The following SMOC2 variants were observed in gnomAD, a reference collection of about 807,000 sequenced individuals.
The protein encoded by SMOC2 is SPARC related modular calcium binding 2, also known as SPARC-related modular calcium-binding protein 2.
In SMOC2, 39 loss-of-function variants were observed where a neutral mutation model predicts 61.4. That is an observed-to-expected ratio of 0.64 (90% CI 0.49 to 0.83). The LOEUF is 0.83. SMOC2 is among the 40% of genes least tolerant of loss of function. SMOC2 has a pLI of 0.00. For missense variants in SMOC2, 556 were observed against 592.9 expected (o/e 0.94, Z 0.65); for synonymous variants, 247 against 239.9 (o/e 1.03, Z -0.27).
intron 1 of SMOC2, among the ~76,000 whole-genome samples, chr6:168,451,869 T>C (rs998498089): frequency 6.6e-6 from 1 of 152,242 alleles, no homozygotes; most frequent in Non-Finnish European, 1.5e-5. Flanking sequence ...ATAACTTCTT[T>C]TTTTGTACTC....
At chr6:168,491,161 G>T (rs1002267316) in intron 1 of SMOC2, among the ~76,000 whole-genome samples, 2 of 152,188 alleles carry the variant, frequency 1.3e-5, no homozygotes, top group African/African-American at 2.4e-5. Flanking sequence ...TGCTGCTCAC[G>T]CCAGCCTTGC....
chr6:168,644,703 G>T lies in SMOC2; in HGVS notation c.908-5978G>T, dbSNP rs1251832031. On this transcript the variant is annotated intron_variant, in intron 9 of 12. Transcript: ENST00000356284. ...CTCGCTCTGTCTCCCAGGCTGGAGT[G>T]CAGTGGTACGATCGCAGCTCACTGC... 4.0e-4 allele frequency among the ~76,000 whole-genome samples: 55 copies of T among 138,196 alleles called. 1 individual carries two copies. The highest frequency in any genetic ancestry group is 3.0e-5 in the Non-Finnish European group (2 of 66,218). 90.7% of individuals were successfully genotyped at this position (138,196 alleles called of 152,430 possible).
intron 4 of SMOC2, among the ~76,000 whole-genome samples, chr6:168,530,436 A>G (rs1476329920): frequency 6.6e-6 from 1 of 152,180 alleles, no homozygotes; most frequent in Admixed American, 6.5e-5. Context: ...TAATGAGACA[A>G]TCCAGCAGAA....
intron 1 of SMOC2, among the ~76,000 whole-genome samples, chr6:168,471,192 C>T (rs1298072540): frequency 4.6e-5 from 7 of 152,146 alleles, no homozygotes; most frequent in African/African-American, 1.7e-4. Context: ...TTTCAACTGG[C>T]AAAACCGAAA....
chr6:168,506,973 T>C (rs546594345), intron 1 of SMOC2, among the ~76,000 whole-genome samples: 4 of 152,332 alleles, frequency 2.6e-5, no homozygotes, highest in Admixed American at 6.5e-5. Context: ...GAAATTTAAT[T>C]GCTATTAAAC....
Position 168,535,018 on chromosome 6 carries a change from TG to T in SMOC2, c.463+7293del, listed in dbSNP as rs201495786. On this transcript the variant is annotated intron_variant, in intron 4 of 12. Transcript: ENST00000356284. This position sits in a 1 kb window ranked among gnomAD's most constrained non-coding sequence, Gnocchi z 4.6. ...TGGAGTCTGGCTCTGTCGCCCAGGC[TG>T]GAGTGCAGTGGCACAATCTCGGCTC... 6.5e-3 allele frequency among the ~76,000 whole-genome samples: 993 copies of T among 152,322 alleles called. 55 individuals carry two copies. The highest frequency in any genetic ancestry group is 0.058 in the Admixed American group (881 of 15,302).
chr6:168,510,183 A>C (rs2115052206), intron 2 of SMOC2, 97 bp downstream of exon 2: 2 of 1,294,074 alleles, frequency 1.5e-6, no homozygotes, highest in South Asian at 3.0e-5. Flanking sequence ...TTACATTTAC[A>C]AACTCGGGTT....
chr6:168,526,558 C>T (rs944858124), intron 3 of SMOC2, 106 bp downstream of exon 3: 27 of 847,222 alleles, frequency 3.2e-5, no homozygotes, highest in South Asian at 1.5e-4. Context: ...GAAGAAGCAG[C>T]GGGTTTGTTC....
At chr6:168,601,479 C>A (rs1785553861) in intron 8 of SMOC2, among the ~76,000 whole-genome samples, 1 of 152,202 alleles carries the variant, frequency 6.6e-6, no homozygotes. Flanking sequence ...TAAAGCTTTT[C>A]AAGGTTTTGG....
At chr6:168,506,419 G>T (rs1270539314) in intron 1 of SMOC2, among the ~76,000 whole-genome samples, 2 of 152,186 alleles carry the variant, frequency 1.3e-5, no homozygotes, top group African/African-American at 4.8e-5. Context: ...ATCTCATATA[G>T]TCAGAGACGT....
rs1022883704 is a variant in SMOC2, at chr6:168,552,860, C to T, written c.637+3657C>T. 2.0e-5 allele frequency among the ~76,000 whole-genome samples: 3 copies of T among 146,874 alleles called. 1 individual carries two copies. Among genetic ancestry groups the T allele is most frequent in the South Asian group, 4.5e-4 (2 of 4,490 alleles). On this transcript the variant is annotated intron_variant, in intron 7 of 12. Transcript: ENST00000356284. The stretch of plus-strand genomic sequence containing the variant: ...ACCAGCCTGTTGCTCACTCCAGGCC[C>T]CAGCAGAGAGCCCACCGAGGGTGGC...
At chr6:168,532,386 T>C (rs1408544507) in intron 4 of SMOC2, among the ~76,000 whole-genome samples, 1 of 152,214 alleles carries the variant, frequency 6.6e-6, no homozygotes, top group African/African-American at 2.4e-5. Flanking sequence ...TTATTTCTTC[T>C]GTAGGGATTT....
intron 1 of SMOC2, among the ~76,000 whole-genome samples, chr6:168,496,528 G>T (rs1782594026): frequency 6.6e-6 from 1 of 152,220 alleles, no homozygotes; most frequent in African/African-American, 2.4e-5. Flanking sequence ...CCATGCTCGG[G>T]GGTGATGGTG....
At chr6:168,582,684 G>A (rs929511010) in intron 7 of SMOC2, among the ~76,000 whole-genome samples, 4 of 152,214 alleles carry the variant, frequency 2.6e-5, no homozygotes, top group African/African-American at 7.2e-5. Context: ...CTGGAACGCC[G>A]CCATGGAGAG....
At chr6:168,663,924 T>C (rs1583198042) in intron 11 of SMOC2, 150 bp from the exon 12 acceptor site, 20 of 627,534 alleles carry the variant, frequency 3.2e-5, no homozygotes, top group Middle Eastern at 4.3e-4. Context: ...TACTGAGGAA[T>C]GACTGTATGT....
intron 7 of SMOC2, among the ~76,000 whole-genome samples, chr6:168,566,742 G>T (rs1784552762): frequency 6.6e-6 from 1 of 152,020 alleles, no homozygotes; most frequent in Admixed American, 6.6e-5. Flanking sequence ...CTCATGATCT[G>T]CCCGTCTCAG....
chr6:168,463,759 C>T (rs146899951), intron 1 of SMOC2, among the ~76,000 whole-genome samples: 55 of 152,254 alleles, frequency 3.6e-4, no homozygotes, highest in African/African-American at 1.3e-3. Context: ...AGGTGCAGGC[C>T]CAGGCGTGTT....
At chr6:168,479,272 G>A (rs866785644) in intron 1 of SMOC2, among the ~76,000 whole-genome samples, 10 of 152,228 alleles carry the variant, frequency 6.6e-5, no homozygotes, top group Admixed American at 4.6e-4. Context: ...TACAATGTTC[G>A]ATTTGTACTT....
At chr6:168,447,012 G>C (rs983043200) in intron 1 of SMOC2, among the ~76,000 whole-genome samples, 1 of 152,094 alleles carries the variant, frequency 6.6e-6, no homozygotes, top group African/African-American at 2.4e-5. Context: ...TCCAGGCTAC[G>C]TTCTCCTTCA....
Sources: gnomAD v4.1 joint callset for allele counts (sites outside exome capture counted in the v4.1 genomes callset) on GRCh38, gnomAD v4.1.1 for gene constraint, Gnocchi (gnomAD v3.1) non-coding constraint, MANE v1.5 for transcripts, NCBI Gene and HGNC (gene_info 2026-07-23, HGNC 2026-07-21) for gene names.